The following PTPN4 variants were observed in gnomAD, a reference collection of about 807,000 sequenced individuals.
PTPN4 encodes the protein protein tyrosine phosphatase non-receptor type 4.
Under a neutral mutation model 135.5 loss-of-function variants are expected in PTPN4, and 49 were observed. The ratio of observed to expected loss-of-function variants is 0.36; its 90% CI spans 0.29 to 0.46. PTPN4 has a LOEUF of 0.46. Among genes scored for constraint, PTPN4 ranks in the 20% least tolerant of loss-of-function variants. The probability of loss-of-function intolerance (pLI) is 1.00; values close to 1 mark genes in which losing one functional copy is unlikely to be tolerated. For missense variants in PTPN4, 860 were observed against 1,101.0 expected, an observed-to-expected ratio of 0.78 and a Z score of 3.10; for synonymous variants, 333 against 369.9, an observed-to-expected ratio of 0.90 and a Z score of 1.14.
intron 1 of PTPN4, among the ~76,000 whole-genome samples, chr2:119,762,769 T>C (rs1690532833): frequency 6.6e-6 from 1 of 152,132 alleles, no homozygotes; most frequent in Non-Finnish European, 1.5e-5. Flanking sequence ...TAAATATGAA[T>C]TGTTGCTCCT....
chr2:119,939,960 A>G (rs1679038270), intron 15 of PTPN4, among the ~76,000 whole-genome samples: 1 of 152,226 alleles, frequency 6.6e-6, no homozygotes, highest in Non-Finnish European at 1.5e-5. Flanking sequence ...TGTTGTATTC[A>G]TGGCTTCAAG....
intron 2 of PTPN4, among the ~76,000 whole-genome samples, chr2:119,846,662 G>A (rs1677503233): frequency 6.6e-6 from 1 of 150,952 alleles, no homozygotes; most frequent in African/African-American, 2.4e-5. Flanking sequence ...TTTACTTTTT[G>A]CTTTTTTTGT....
At chr2:119,768,561 T>G (rs1343992135) in intron 1 of PTPN4, among the ~76,000 whole-genome samples, 2 of 152,228 alleles carry the variant, frequency 1.3e-5, no homozygotes, top group Middle Eastern at 3.2e-3. Flanking sequence ...CATCTCAGGA[T>G]TCGTCTAGCC....
At chr2:119,826,396 C>A (rs1176896526) in intron 2 of PTPN4, among the ~76,000 whole-genome samples, 1 of 152,160 alleles carries the variant, frequency 6.6e-6, no homozygotes, top group Non-Finnish European at 1.5e-5. Flanking sequence ...AGCTTTTGAG[C>A]CCTTACCGGA....
chr2:119,912,429 G>T (rs966491529), intron 10 of PTPN4, among the ~76,000 whole-genome samples: 1 of 152,156 alleles, frequency 6.6e-6, no homozygotes, highest in African/African-American at 2.4e-5. Context: ...TGTGCATTTT[G>T]CATGTCAGTT....
rs532309939 is a variant in PTPN4, at chr2:119,982,491, A to G, written c.*5421A>G. 1.9e-4 allele frequency: 29 copies of G among 152,346 alleles called. 1 individual carries two copies. In the South Asian group the frequency reaches 6.0e-3, roughly 32 times the overall value. The allele number at this position is 152,346 out of a possible 1,614,324, so 9.4% of individuals were successfully genotyped here. ...GAAGAAAAACATTTTCATTATAAAC[A>G]AGAGCAATCATTGAAGCATTTTCAG... On this transcript the variant is annotated 3_prime_UTR_variant, in exon 27 of 27. Transcript: ENST00000263708.
intron 2 of PTPN4, among the ~76,000 whole-genome samples, chr2:119,825,757 G>C (rs988652647): frequency 6.6e-6 from 1 of 151,870 alleles, no homozygotes; most frequent in African/African-American, 2.4e-5. Context: ...TGGCCTCCCA[G>C]AGTGCTAGGA....
intron 1 of PTPN4, among the ~76,000 whole-genome samples, chr2:119,804,711 G>A (rs1691436822): frequency 6.6e-6 from 1 of 152,136 alleles, no homozygotes; most frequent in South Asian, 2.1e-4. Context: ...CCAAGTTTTT[G>A]CTATTGTGAA....
At chr2:119,765,043 G>C (rs1370314302) in intron 1 of PTPN4, among the ~76,000 whole-genome samples, 1 of 152,178 alleles carries the variant, frequency 6.6e-6, no homozygotes, top group Admixed American at 6.5e-5. Flanking sequence ...TCTGAGTCAG[G>C]AGTCAAATCT....
rs531597515 is a variant in PTPN4 at position 119,807,254 on chromosome 2, G to C, written c.-17-2583G>C. Reference sequence around the variant, plus strand: ...GAGCAGAACTGAAGGAGATAGAGACGCAAAAAACCCTTCAAAAAATCAATG... The same window carrying C: ...GAGCAGAACTGAAGGAGATAGAGACCCAAAAAACCCTTCAAAAAATCAATG... On this transcript the variant is annotated intron_variant, in intron 1 of 26. Coordinates refer to ENST00000263708, the MANE Select transcript of PTPN4 (RefSeq NM_002830.4). Among the ~76,000 whole-genome samples, 4 of 151,654 alleles carry C rather than the reference G, an allele frequency of 2.6e-5. No individual in the cohort carries two copies. The South Asian group carries it at 8.3e-4, about 32-fold the overall frequency.
chr2:119,866,070 G>T (rs1218279170), intron 3 of PTPN4, among the ~76,000 whole-genome samples: 1 of 151,942 alleles, frequency 6.6e-6, no homozygotes, highest in African/African-American at 2.4e-5. Context: ...ATAATATCTT[G>T]TTGTAGTAGT....
At chr2:119,945,265 C>CA in intron 16 of PTPN4, 25 bp downstream of exon 16, 2 of 1,488,780 alleles carry the variant, frequency 1.3e-6, no homozygotes, top group East Asian at 5.1e-5. Context: ...CAGATATTCT[C>CA]ATTTTTATTT....
chr2:119,900,644 C>G, intron 9 of PTPN4, 74 bp from the exon 10 acceptor site: 1 of 906,314 alleles, frequency 1.1e-6, no homozygotes, highest in Non-Finnish European at 1.6e-6. Context: ...AAAATAGAAT[C>G]CTATTTTTAA....
intron 1 of PTPN4, among the ~76,000 whole-genome samples, chr2:119,803,949 T>A (rs1691421031): frequency 6.6e-6 from 1 of 152,178 alleles, no homozygotes. Context: ...TATCTGATAC[T>A]AATATAGGTA....
At chr2:119,921,411 T>C (rs1422522954) in intron 12 of PTPN4, among the ~76,000 whole-genome samples, 2 of 152,236 alleles carry the variant, frequency 1.3e-5, no homozygotes, top group Non-Finnish European at 2.9e-5. Context: ...AACCTAAACA[T>C]GTATAATTGC....
intron 15 of PTPN4, among the ~76,000 whole-genome samples, chr2:119,944,180 T>C (rs187266200): frequency 1.3e-5 from 2 of 152,348 alleles, no homozygotes; most frequent in African/African-American, 2.4e-5. Flanking sequence ...ATCTCTCTTA[T>C]ACCTGTCCTT....
At chr2:119,897,358 T>C (rs1678340177) in intron 9 of PTPN4, among the ~76,000 whole-genome samples, 1 of 152,182 alleles carries the variant, frequency 6.6e-6, no homozygotes, top group Non-Finnish European at 1.5e-5. Context: ...TAATGGAAAA[T>C]GATATTTCAA....
intron 10 of PTPN4, among the ~76,000 whole-genome samples, chr2:119,908,399 T>C (rs1678520442): frequency 6.6e-6 from 1 of 152,198 alleles, no homozygotes; most frequent in Non-Finnish European, 1.5e-5. Flanking sequence ...TGTGTCATAT[T>C]TTGGTAGTTC....
At chr2:119,876,366 T>C (rs928593238) in intron 3 of PTPN4, among the ~76,000 whole-genome samples, 2 of 152,162 alleles carry the variant, frequency 1.3e-5, no homozygotes, top group Non-Finnish European at 2.9e-5. Context: ...GGATGATAAA[T>C]TGATAAATTC....
Sources: allele counts gnomAD v4.1 joint callset (sites outside exome capture counted in the v4.1 genomes callset), GRCh38; gene constraint gnomAD v4.1.1; transcripts MANE v1.5; gene names NCBI Gene and HGNC (gene_info 2026-07-23, HGNC 2026-07-21).